The following STAG1 variants were observed in gnomAD, a reference collection of about 807,000 sequenced individuals.
The protein encoded by STAG1 is cohesin subunit SA-1.
A neutral mutation model predicts 170.9 loss-of-function variants in STAG1; 26 were observed. The observed-to-expected ratio is 0.15, with a 90% CI of 0.11 to 0.21. The LOEUF (loss-of-function observed/expected upper bound fraction) is 0.21, where lower values mean the gene tolerates loss of function less well. Ranked by LOEUF, STAG1 falls within the 10% of genes least tolerant of loss-of-function variation. STAG1 has a pLI of 1.00. For missense variants in STAG1, 964 were observed against 1,509.5 expected (o/e 0.64, Z 5.99); for synonymous variants, 514 against 497.7 (o/e 1.03, Z -0.44).
intron 1 of STAG1, among the ~76,000 whole-genome samples, chr3:136,684,701 G>A (rs537833501): frequency 6.6e-6 from 1 of 151,026 alleles, no homozygotes; most frequent in Non-Finnish European, 1.5e-5. Flanking sequence ...GCTTGAACCC[G>A]GAAGGTGGAG....
chr3:136,713,951 G>A (rs1943453120), intron 1 of STAG1, among the ~76,000 whole-genome samples: 1 of 152,120 alleles, frequency 6.6e-6, no homozygotes, highest in South Asian at 2.1e-4. Context: ...TGGAACCCAG[G>A]AGGCAGAGGT....
intron 1 of STAG1, among the ~76,000 whole-genome samples, chr3:136,682,552 G>A (rs999666194): frequency 2.0e-5 from 3 of 151,246 alleles, no homozygotes; most frequent in Non-Finnish European, 4.4e-5. Context: ...TGAAGTTGCA[G>A]GATACAAAAA....
chr3:136,613,585 C>G (rs2107819497), intron 3 of STAG1, among the ~76,000 whole-genome samples: 1 of 152,222 alleles, frequency 6.6e-6, no homozygotes, highest in Admixed American at 6.5e-5. Context: ...CTCCCAGGTT[C>G]AGGTGATTCT....
intron 1 of STAG1, among the ~76,000 whole-genome samples, chr3:136,712,512 G>A (rs966773989): frequency 1.3e-5 from 2 of 152,164 alleles, no homozygotes; most frequent in Non-Finnish European, 2.9e-5. Context: ...TCACTTCACA[G>A]AATAGGACAT....
chr3:136,730,939 TTC>T (rs1342837461), intron 1 of STAG1, among the ~76,000 whole-genome samples: 1 of 152,214 alleles, frequency 6.6e-6, no homozygotes, highest in Non-Finnish European at 1.5e-5. Context: ...TCCCCAGAAT[TTC>T]TGAGTTGGCA....
chr3:136,498,973 G>A (rs775204574), intron 9 of STAG1, among the ~76,000 whole-genome samples: 1 of 152,004 alleles, frequency 6.6e-6, no homozygotes, highest in Non-Finnish European at 1.5e-5. Flanking sequence ...ATTGCTTCTC[G>A]GACTGCTCAC....
intron 15 of STAG1, among the ~76,000 whole-genome samples, chr3:136,441,955 T>C (rs1015359850): frequency 6.6e-6 from 1 of 152,164 alleles, no homozygotes; most frequent in Non-Finnish European, 1.5e-5. Flanking sequence ...TCAAGCACTA[T>C]GGTAGGCCGA....
chr3:136,672,833 G>C (rs895295841), intron 1 of STAG1, among the ~76,000 whole-genome samples: 1 of 152,130 alleles, frequency 6.6e-6, no homozygotes, highest in Non-Finnish European at 1.5e-5. Context: ...GTTAGACAAA[G>C]ACCATGGTGA....
At chr3:136,671,691 C>G (rs184443551) in intron 1 of STAG1, among the ~76,000 whole-genome samples, 170 of 152,162 alleles carry the variant, frequency 1.1e-3, no homozygotes, top group African/African-American at 2.3e-3. Flanking sequence ...AGAAGTTCGA[C>G]ACTAGCCTGG....
At chr3:136,576,354 T>A (rs1330527066) in intron 4 of STAG1, among the ~76,000 whole-genome samples, 2 of 152,196 alleles carry the variant, frequency 1.3e-5, no homozygotes, top group African/African-American at 4.8e-5. Flanking sequence ...ACTAATAGGC[T>A]TGAATGTCCT....
intron 7 of STAG1, among the ~76,000 whole-genome samples, chr3:136,514,279 G>A (rs1934232910): frequency 6.6e-6 from 1 of 152,144 alleles, no homozygotes; most frequent in Non-Finnish European, 1.5e-5. Flanking sequence ...CTCAAAAGAA[G>A]ACATTTATGC....
At chr3:136,580,738 T>C (rs1029645676) in intron 4 of STAG1, among the ~76,000 whole-genome samples, 1 of 151,388 alleles carries the variant, frequency 6.6e-6, no homozygotes, top group Non-Finnish European at 1.5e-5. Context: ...TTTCACCTTG[T>C]TAGCCAGGAT....
intron 1 of STAG1, among the ~76,000 whole-genome samples, chr3:136,747,093 T>TTAAAAA (rs1246647616): frequency 1.3e-4 from 8 of 59,322 alleles, no homozygotes; most frequent in African/African-American, 3.3e-4. Flanking sequence ...TGAAACTGTC[T>TTAAAAA]AAAAAAAAAA....
intron 3 of STAG1, among the ~76,000 whole-genome samples, chr3:136,614,183 T>G (rs1027493731): frequency 6.6e-6 from 1 of 152,276 alleles, no homozygotes; most frequent in South Asian, 2.1e-4. Context: ...GCCACTGCAC[T>G]CCAGCGTGGG....
At chr3:136,464,829 C>A (rs544000375) in intron 13 of STAG1, 52 bp downstream of exon 13, 5 of 1,468,368 alleles carry the variant, frequency 3.4e-6, no homozygotes, top group Admixed American at 4.0e-5. Context: ...TCTAAAACAA[C>A]AAGAAAACAA....
At chr3:136,487,559 A>T (rs183865265) in intron 9 of STAG1, among the ~76,000 whole-genome samples, 3 of 152,294 alleles carry the variant, frequency 2.0e-5, no homozygotes, top group African/African-American at 7.2e-5. Context: ...CCTATTCTGT[A>T]GCTATAAAAA....
At chr3:136,591,728 G>A (rs1014938991) in intron 4 of STAG1, among the ~76,000 whole-genome samples, 1 of 152,080 alleles carries the variant, frequency 6.6e-6, no homozygotes, top group Non-Finnish European at 1.5e-5. Context: ...CTTTCCATTT[G>A]GAACCAGAGA....
At chr3:136,430,806 G>GACTCACACACACACAC (rs2088277368) in intron 16 of STAG1, among the ~76,000 whole-genome samples, 1 of 131,104 alleles carries the variant, frequency 7.6e-6, no homozygotes, top group Non-Finnish European at 1.6e-5. Context: ...GACATAGACA[G>GACTCACACACACACAC]ACACACACAC....
intron 1 of STAG1, among the ~76,000 whole-genome samples, chr3:136,642,213 TAG>T: frequency 6.7e-6 from 1 of 149,664 alleles, no homozygotes; most frequent in Non-Finnish European, 1.5e-5. Context: ...GCATATCCCA[TAG>T]AGTTCGATGG....
Sources: gnomAD v4.1 joint callset for allele counts (sites outside exome capture counted in the v4.1 genomes callset) on GRCh38, gnomAD v4.1.1 for gene constraint, MANE v1.5 for transcripts, NCBI Gene and HGNC (gene_info 2026-07-23, HGNC 2026-07-21) for gene names.